The following SGCZ variants were observed in gnomAD, a reference collection of about 807,000 sequenced individuals.
SGCZ encodes the protein zeta-sarcoglycan.
Under a neutral mutation model 41.3 loss-of-function variants are expected in SGCZ, and 40 were observed. That is an observed-to-expected ratio of 0.97 (90% CI 0.75 to 1.26). The LOEUF (loss-of-function observed/expected upper bound fraction) is 1.26, where lower values mean the gene tolerates loss of function less well. Ranked by LOEUF, SGCZ falls within the 50% of genes most tolerant of loss-of-function variation. SGCZ has a pLI of 0.00. For synonymous variants in SGCZ, 206 were observed against 137.5 expected (o/e 1.50, Z -3.49); for missense variants, 552 against 369.8 (o/e 1.49, Z -4.04).
intron 2 of SGCZ, among the ~76,000 whole-genome samples, chr8:14,467,951 A>C (rs1183924342): frequency 1.3e-5 from 2 of 151,896 alleles, no homozygotes; most frequent in Non-Finnish European, 2.9e-5. Context: ...ATTATTTTGA[A>C]ACAAATAATA....
intron 1 of SGCZ, among the ~76,000 whole-genome samples, chr8:14,670,814 C>T (rs1169174924): frequency 6.6e-6 from 1 of 152,184 alleles, no homozygotes; most frequent in African/African-American, 2.4e-5. Context: ...TGTTTAATTC[C>T]TTGTCTTAGT....
At chr8:14,286,874 T>C (rs919651333) in intron 3 of SGCZ, among the ~76,000 whole-genome samples, 9 of 152,080 alleles carry the variant, frequency 5.9e-5, no homozygotes, top group Non-Finnish European at 2.9e-5. Context: ...GTGCTGGTAT[T>C]ATCACAATGA....
intron 1 of SGCZ, among the ~76,000 whole-genome samples, chr8:14,704,057 T>C (rs1809252879): frequency 6.6e-6 from 1 of 152,044 alleles, no homozygotes; most frequent in Non-Finnish European, 1.5e-5. Context: ...ACTTACTCAA[T>C]GTTGGATGTA....
chr8:14,858,638 C>A (rs937246405), intron 1 of SGCZ, among the ~76,000 whole-genome samples: 8 of 152,084 alleles, frequency 5.3e-5, no homozygotes, highest in African/African-American at 9.7e-5. Context: ...TATAAACGAA[C>A]CTTTCCTACG....
intron 1 of SGCZ, among the ~76,000 whole-genome samples, chr8:14,561,265 T>C (rs1255087638): frequency 5.3e-5 from 8 of 152,190 alleles, no homozygotes; most frequent in Non-Finnish European, 1.2e-4. Context: ...TTTGGCATTA[T>C]GAAACTTCTA....
intron 2 of SGCZ, among the ~76,000 whole-genome samples, chr8:14,404,744 G>T (rs1799165491): frequency 6.6e-6 from 1 of 152,148 alleles, no homozygotes; most frequent in African/African-American, 2.4e-5. Flanking sequence ...TTTGCTCTCA[G>T]ATCTGTGTCT....
intron 1 of SGCZ, among the ~76,000 whole-genome samples, chr8:14,685,552 T>C (rs184038562): frequency 1.3e-5 from 2 of 152,250 alleles, no homozygotes; most frequent in East Asian, 1.9e-4. Flanking sequence ...TTGCTATTCA[T>C]TGAAATACTC....
At chr8:15,051,606 G>C (rs537171521) in intron 1 of SGCZ, among the ~76,000 whole-genome samples, 6 of 152,188 alleles carry the variant, frequency 3.9e-5, no homozygotes, top group African/African-American at 1.2e-4. Flanking sequence ...CAAAGTACTT[G>C]TTCCAATTCT....
intron 1 of SGCZ, among the ~76,000 whole-genome samples, chr8:14,690,832 T>C (rs1808777746): frequency 6.6e-6 from 1 of 152,210 alleles, no homozygotes. Context: ...AAGTCACTCT[T>C]ACTGAATTTA....
intron 1 of SGCZ, among the ~76,000 whole-genome samples, chr8:14,757,127 C>T (rs1435092207): frequency 6.6e-6 from 1 of 152,170 alleles, no homozygotes; most frequent in Non-Finnish European, 1.5e-5. Context: ...CAGCCCACTG[C>T]AACCTCAGCC....
At chr8:14,211,420 T>G (rs2117096197) in intron 4 of SGCZ, among the ~76,000 whole-genome samples, 1 of 152,306 alleles carries the variant, frequency 6.6e-6, no homozygotes, top group African/African-American at 2.4e-5. Flanking sequence ...GCAAAGGACC[T>G]CAGGCGAGAC....
At chr8:14,917,076 A>G (rs556214010) in intron 1 of SGCZ, among the ~76,000 whole-genome samples, 2 of 152,186 alleles carry the variant, frequency 1.3e-5, no homozygotes, top group South Asian at 4.1e-4. Context: ...GACTCATTAG[A>G]TAAAATATGT....
intron 3 of SGCZ, among the ~76,000 whole-genome samples, chr8:14,242,587 C>A (rs1299698845): frequency 6.6e-6 from 1 of 152,188 alleles, no homozygotes; most frequent in Non-Finnish European, 1.5e-5. Flanking sequence ...ATGCACAGAT[C>A]AGAGCCTCCC....
intron 1 of SGCZ, among the ~76,000 whole-genome samples, chr8:15,060,409 T>G (rs1804878345): frequency 2.0e-5 from 3 of 150,282 alleles, no homozygotes; most frequent in African/African-American, 7.4e-5. Context: ...CTCAGCAAAC[T>G]ATCACAAGGA....
rs576353381 is a variant in SGCZ at position 14,589,004 on chromosome 8, T to G, written c.40-34078A>C. On this transcript the variant is annotated intron_variant, in intron 1 of 7. Transcript: ENST00000382080. ...ACAATGAATTTTTTCTCTTTTTGCC[T>G]ACCACTAAAATATGCATTCTTCTTT... Among the ~76,000 whole-genome samples, 4 of 152,286 alleles carry G rather than the reference T, an allele frequency of 2.6e-5. No homozygotes were observed. The South Asian group carries it at 8.3e-4, about 32-fold the overall frequency.
chr8:15,190,948 G>T (rs1188084256), intron 1 of SGCZ, among the ~76,000 whole-genome samples: 1 of 151,982 alleles, frequency 6.6e-6, no homozygotes, highest in Non-Finnish European at 1.5e-5. Context: ...CTTTTCTCAA[G>T]AGTGGACTAT....
intron 1 of SGCZ, among the ~76,000 whole-genome samples, chr8:14,656,434 C>T (rs889694202): frequency 7.1e-6 from 1 of 140,850 alleles, no homozygotes; most frequent in Non-Finnish European, 1.5e-5. Flanking sequence ...CCTTCCTCCC[C>T]CCTCTATCCC....
chr8:14,858,020 C>G (rs1273992172), intron 1 of SGCZ, among the ~76,000 whole-genome samples: 1 of 152,014 alleles, frequency 6.6e-6, no homozygotes, highest in African/African-American at 2.4e-5. Flanking sequence ...AATTTGAGAA[C>G]ATTATGGTCT....
chr8:14,796,420 A>ATT (rs561224058), intron 1 of SGCZ, among the ~76,000 whole-genome samples: 3 of 147,234 alleles, frequency 2.0e-5, no homozygotes, highest in Admixed American at 6.6e-5. Flanking sequence ...TACTCATTCT[A>ATT]TTTTTGTTTT....
Sources: gnomAD v4.1 joint callset for allele counts (sites outside exome capture counted in the v4.1 genomes callset) on GRCh38, gnomAD v4.1.1 for gene constraint, MANE v1.5 for transcripts, NCBI Gene and HGNC (gene_info 2026-07-23, HGNC 2026-07-21) for gene names.